Variants in MEGF8 observed in about 807,000 individuals in gnomAD.
MEGF8 encodes the protein multiple EGF like domains 8.
Under a neutral mutation model 302.9 loss-of-function variants are expected in MEGF8, and 156 were observed. The ratio of observed to expected loss-of-function variants is 0.52; its 90% CI spans 0.45 to 0.59. The LOEUF is 0.59. Among genes scored for constraint, MEGF8 ranks in the 20% least tolerant of loss-of-function variants. The pLI, the probability that MEGF8 is intolerant of heterozygous loss-of-function variation, is 0.00. For synonymous variants in MEGF8, 1,621 were observed against 1,660.5 expected (o/e 0.98, Z 0.58); for missense variants, 3,345 against 3,964.5 (o/e 0.84, Z 4.20).
intron 8 of MEGF8, among the ~76,000 whole-genome samples, chr19:42,337,926 C>CCTGA (rs1344318709): frequency 6.6e-6 from 1 of 152,132 alleles, no homozygotes; most frequent in East Asian, 1.9e-4. Flanking sequence ...GTCTCAGTCT[C>CCTGA]CTGAGTAGCT....
At chr19:42,334,316 C>A in intron 3 of MEGF8, 103 bp downstream of exon 3, 1 of 1,073,598 alleles carries the variant, frequency 9.3e-7, no homozygotes, top group South Asian at 1.6e-5. Flanking sequence ...GAAACTCCCC[C>A]CACCACCCCA....
chr19:42,326,200 T>C lies in MEGF8; in HGVS notation c.-44T>C, dbSNP rs766439490. 3.1e-5 allele frequency: 46 copies of C among 1,460,830 alleles called. No individual in the cohort carries two copies. Among genetic ancestry groups the C allele is most frequent in the Non-Finnish European group, 9.9e-6 (11 of 1,113,316 alleles). The allele number at this position is 1,460,830 out of a possible 1,614,324, so 90.5% of individuals were successfully genotyped here. On this transcript the variant is annotated 5_prime_UTR_variant, in exon 1 of 42. Transcript: ENST00000251268. ...CCGGGTAGAGGGTCCTCTCCAGGTTTTTACGGCCTGTCCCCGCTCTAAGGG... is the reference window on the plus strand; with the variant it reads ...CCGGGTAGAGGGTCCTCTCCAGGTTCTTACGGCCTGTCCCCGCTCTAAGGG...
In MEGF8 at chr19:42,336,899, G is replaced by C. The variant is rs759790038; in HGVS notation, c.1337G>C (p.Arg446Thr). The part of the protein sequence containing the change: ...LKGRDGLQGP[R>T]ERAFHTASVL... ...GGGCGGGATGGGCTTCAGGGCCCAA[G>C]GGAGCGAGCCTTCCACACAGCCAGT... Residue 446 changes from arginine to threonine, a missense_variant, in exon 7 of 42, where the codon AGG (arginine) becomes ACG (threonine). Physicochemically the swap from Arg to Thr is moderately conservative, Grantham distance 71. Coordinates refer to ENST00000251268, the MANE Select transcript of MEGF8 (RefSeq NM_001271938.2). The surrounding 1 kb of genome is among the most constrained non-coding windows in gnomAD (Gnocchi z 4.8). The C allele has an allele frequency of 1.8e-5, 29 of 1,613,726 alleles. No individual in the cohort carries two copies. The highest frequency in any genetic ancestry group is 2.5e-5 in the Non-Finnish European group (29 of 1,179,780).
chr19:42,334,273 G>A (rs974723129), intron 3 of MEGF8, 60 bp downstream of exon 3: 14 of 1,449,692 alleles, frequency 9.7e-6, no homozygotes, highest in African/African-American at 1.4e-5. Context: ...CAGCCTCCAC[G>A]CCCATCTCCT....
In MEGF8 at chr19:42,376,952, T is replaced by G; in HGVS notation, c.*177T>G. 1.6e-6 allele frequency: 1 copy of G among 606,082 alleles called. No individual in the cohort carries two copies. Among genetic ancestry groups the G allele is most frequent in the East Asian group, 3.2e-5 (1 of 30,994 alleles). The allele number at this position is 606,082 out of a possible 1,614,324, so 37.5% of individuals were successfully genotyped here. On this transcript the variant is annotated 3_prime_UTR_variant, in exon 42 of 42. Coordinates refer to ENST00000251268, the MANE Select transcript of MEGF8 (RefSeq NM_001271938.2). The surrounding 1 kb of genome is among the most constrained non-coding windows in gnomAD (Gnocchi z 8.2). ...CTGCATTCAGCAGCTATTTATCGAG[T>G]ACCTACTCTGTCAGGCACTGTCATA...
At position 42,352,698 on chromosome 19, in the gene MEGF8, G is replaced by A. The variant is rs1386455077; in HGVS notation, c.3351-230G>A. 1.7e-5 allele frequency: 11 copies of A among 648,804 alleles called. No homozygotes were observed. The highest frequency in any genetic ancestry group is 2.9e-5 in the Non-Finnish European group (11 of 381,552). The allele number at this position is 648,804 out of a possible 1,614,324, so 40.2% of individuals were successfully genotyped here. ...CCATAGTCTTCAGCGTTGCCATGGA[G>A]GCGGAGGAGGACCTAGTTGAAAGAG... On this transcript the variant is annotated intron_variant, in intron 19 of 41. Coordinates refer to ENST00000251268, the MANE Select transcript of MEGF8 (RefSeq NM_001271938.2). This position sits in a 1 kb window ranked among gnomAD's most constrained non-coding sequence, Gnocchi z 4.4.
chr19:42,328,405 T>A (rs1685565), intron 1 of MEGF8, among the ~76,000 whole-genome samples: 9,641 of 151,782 alleles, frequency 0.064, 373 homozygotes, highest in South Asian at 0.16. Flanking sequence ...TATGGAAGGG[T>A]TTTGAGCAGG....
chr19:42,373,268 T>G (rs1312707231), intron 41 of MEGF8, among the ~76,000 whole-genome samples: 1 of 149,358 alleles, frequency 6.7e-6, no homozygotes, highest in Non-Finnish European at 1.5e-5. Flanking sequence ...AATTTTTGTA[T>G]TTTTAGTAGA....
Position 42,370,976 on chromosome 19 carries a change from C to T in MEGF8, c.7136+145C>T. On this transcript the variant is annotated intron_variant, in intron 40 of 41. Coordinates refer to ENST00000251268, the MANE Select transcript of MEGF8 (RefSeq NM_001271938.2). ...AGAGGATGACATCCCCAGGGAGCGCCCAGGCTGGGGTCAGGGTAGGGAAGG... is the reference window on the plus strand; with the variant it reads ...AGAGGATGACATCCCCAGGGAGCGCTCAGGCTGGGGTCAGGGTAGGGAAGG... 6.8e-6 allele frequency: 4 copies of T among 586,860 alleles called. No individual in the cohort carries two copies. In the South Asian group the frequency reaches 7.6e-5, roughly 11 times the overall value. 36.4% of individuals were successfully genotyped at this position (586,860 alleles called of 1,614,324 possible).
intron 13 of MEGF8, 42 bp downstream of exon 13, chr19:42,348,514 T>C (rs968585390): frequency 3.4e-6 from 5 of 1,464,814 alleles, no homozygotes; most frequent in Admixed American, 2.2e-5. Flanking sequence ...TTATGGTAAA[T>C]AGGGAGTTAG....
In MEGF8 at chr19:42,369,125, G is replaced by A; in HGVS notation, c.6641+123G>A. 2 of 1,288,966 alleles carry A rather than the reference G, an allele frequency of 1.6e-6. No homozygotes were observed. The highest frequency in any genetic ancestry group is 2.1e-6 in the Non-Finnish European group (2 of 952,082). The allele number at this position is 1,288,966 out of a possible 1,614,324, so 79.8% of individuals were successfully genotyped here. A position where few individuals can be genotyped will look rare whatever the true frequency, so the allele number is the denominator to read the frequency against. ...AAAGAAAGCTCGAGGCATGAAGGCA[G>A]TGGGATTGATTCCTGAAGGTCAAGA... On this transcript the variant is annotated intron_variant, in intron 37 of 41. Transcript: ENST00000251268. This position sits in a 1 kb window ranked among gnomAD's most constrained non-coding sequence, Gnocchi z 5.7.
Position 42,335,994 on chromosome 19 carries a change from C to A in MEGF8, c.892C>A (p.Leu298Met). 6.5e-7 allele frequency: 1 copy of A among 1,539,596 alleles called. No individual in the cohort carries two copies. Residue 298 changes from leucine to methionine, a missense_variant, in exon 6 of 42, where the codon CTG (leucine) becomes ATG (methionine). Leu to Met is a conservative substitution (Grantham distance 15). Coordinates refer to ENST00000251268, the MANE Select transcript of MEGF8 (RefSeq NM_001271938.2). ...AGSLVLMGGE[L>M]ADGSLTNDVW... is the part of the protein sequence containing the mutation. ...CTCCCTGGTACTGATGGGTGGTGAG[C>A]TGGCTGACGGCTCGCTCACCAACGA...
In MEGF8 at chr19:42,358,090, G is replaced by A. The variant is rs1251626131; in HGVS notation, c.5012-54G>A. The stretch of plus-strand genomic sequence containing the variant: ...CGAACAGGGGACCGGGAGGTCGGCG[G>A]GGTCAGTGCTGTTGTCAGCCCCTCC... On this transcript the variant is annotated intron_variant, in intron 28 of 41. Coordinates refer to ENST00000251268, the MANE Select transcript of MEGF8 (RefSeq NM_001271938.2). This position sits in a 1 kb window ranked among gnomAD's most constrained non-coding sequence, Gnocchi z 4.4. 1 of 1,432,732 alleles carries A rather than the reference G, an allele frequency of 7.0e-7. No homozygotes were observed. The highest frequency in any genetic ancestry group is 9.2e-7 in the Non-Finnish European group (1 of 1,092,104). 88.8% of individuals were successfully genotyped at this position (1,432,732 alleles called of 1,614,324 possible).
intron 35 of MEGF8, among the ~76,000 whole-genome samples, chr19:42,367,050 T>A (rs961472548): frequency 2.6e-5 from 4 of 152,188 alleles, no homozygotes; most frequent in Non-Finnish European, 5.9e-5. Flanking sequence ...CAAATTAACC[T>A]CTTTCCTCTT....
rs2039475214 is a variant in MEGF8 at position 42,357,874 on chromosome 19, G to T, written c.5012-270G>T. Among the ~76,000 whole-genome samples the T allele has an allele frequency of 6.6e-6, 1 of 152,112 alleles. No individual in the cohort carries two copies. Among genetic ancestry groups the T allele is most frequent in the South Asian group, 2.1e-4 (1 of 4,818 alleles). On this transcript the variant is annotated intron_variant, in intron 28 of 41. Transcript: ENST00000251268. This position sits in a 1 kb window ranked among gnomAD's most constrained non-coding sequence, Gnocchi z 5.2. ...TTCCTCGATCACACCTCCTTTCTTTGATCACTGTCCCCTAGACATTCTGGA... is the reference window on the plus strand; with the variant it reads ...TTCCTCGATCACACCTCCTTTCTTTTATCACTGTCCCCTAGACATTCTGGA...
At position 42,353,363 on chromosome 19, in the gene MEGF8, C is replaced by T; in HGVS notation, c.3551-102C>T. The T allele has an allele frequency of 7.3e-7, 1 of 1,374,464 alleles. No individual in the cohort carries two copies. The highest frequency in any genetic ancestry group is 1.4e-5 in the South Asian group (1 of 73,070). The allele number at this position is 1,374,464 out of a possible 1,614,324, so 85.1% of individuals were successfully genotyped here. On this transcript the variant is annotated intron_variant, in intron 20 of 41. Transcript: ENST00000251268. This position sits in a 1 kb window ranked among gnomAD's most constrained non-coding sequence, Gnocchi z 6.1. ...CCTGATCTGGGCCTTGGTTTCTCACCTTTGAAGCGGCTGGGTGGGGTCAGG... is the reference window on the plus strand; with the variant it reads ...CCTGATCTGGGCCTTGGTTTCTCACTTTTGAAGCGGCTGGGTGGGGTCAGG...
intron 35 of MEGF8, among the ~76,000 whole-genome samples, chr19:42,363,599 T>G (rs1474774167): frequency 6.6e-6 from 1 of 152,198 alleles, no homozygotes; most frequent in Non-Finnish European, 1.5e-5. Flanking sequence ...TTTAATTTTG[T>G]CGATATAATT....
At position 42,352,171 on chromosome 19, in the gene MEGF8, A is replaced by G. The variant is rs931374806; in HGVS notation, c.3102-37A>G. 1.4e-6 allele frequency: 2 copies of G among 1,472,162 alleles called. No homozygotes were observed. Among genetic ancestry groups the G allele is most frequent in the African/African-American group, 1.4e-5 (1 of 70,716 alleles). 91.2% of individuals were successfully genotyped at this position (1,472,162 alleles called of 1,614,324 possible). On this transcript the variant is annotated intron_variant, in intron 18 of 41. Coordinates refer to ENST00000251268, the MANE Select transcript of MEGF8 (RefSeq NM_001271938.2). The surrounding 1 kb of genome is among the most constrained non-coding windows in gnomAD (Gnocchi z 4.4). ...GTTTCTATGTATGGCTCCTGTTTCTATGTTGTCCCCCGCTTCTTCACTCTC... is the reference window on the plus strand; with the variant it reads ...GTTTCTATGTATGGCTCCTGTTTCTGTGTTGTCCCCCGCTTCTTCACTCTC...
chr19:42,358,640 TGTGTGGGAGG>T lies in MEGF8; in HGVS notation c.5176-145_5176-136del. ...TCTGCCTTCAAGGCCAAGGAGAATG[TGTGTGGGAGG>T]GCAGGGAGCCCTGTCTGCACTGGTT... On this transcript the variant is annotated intron_variant, in intron 29 of 41. Coordinates refer to ENST00000251268, the MANE Select transcript of MEGF8 (RefSeq NM_001271938.2). The surrounding 1 kb of genome is among the most constrained non-coding windows in gnomAD (Gnocchi z 4.4). 1.0e-6 allele frequency: 1 copy of T among 973,512 alleles called. No homozygotes were observed. Among genetic ancestry groups the T allele is most frequent in the Non-Finnish European group, 1.5e-6 (1 of 678,754 alleles). 60.3% of individuals were successfully genotyped at this position (973,512 alleles called of 1,614,324 possible). A position where few individuals can be genotyped will look rare whatever the true frequency, so the allele number is the denominator to read the frequency against.
Sources: gnomAD v4.1 joint callset for allele counts (sites outside exome capture counted in the v4.1 genomes callset) on GRCh38, gnomAD v4.1.1 for gene constraint, Gnocchi (gnomAD v3.1) non-coding constraint, MANE v1.5 for transcripts, NCBI Gene and HGNC (gene_info 2026-07-23, HGNC 2026-07-21) for gene names.